Variants in SORCS2 observed in about 807,000 individuals in gnomAD.
The protein encoded by SORCS2 is VPS10 domain-containing receptor SorCS2.
In SORCS2, 100 loss-of-function variants were observed where a neutral mutation model predicts 141.6. That is an observed-to-expected ratio of 0.71 (90% confidence interval 0.60 to 0.83). The LOEUF (loss-of-function observed/expected upper bound fraction) is 0.83, where lower values mean the gene tolerates loss of function less well. Ranked by LOEUF, SORCS2 falls within the 40% of genes least tolerant of loss-of-function variation. The pLI, the probability that SORCS2 is intolerant of heterozygous loss-of-function variation, is 0.00. For synonymous variants in SORCS2, 789 were observed against 676.9 expected (o/e 1.17, Z -2.57); for missense variants, 1,646 against 1,560.2 (o/e 1.05, Z -0.93).
At chr4:7,271,813 GGGGCCCGAGACA>G (rs1715150016) in intron 1 of SORCS2, among the ~76,000 whole-genome samples, 1 of 152,234 alleles carries the variant, frequency 6.6e-6, no homozygotes, top group Non-Finnish European at 1.5e-5. Flanking sequence ...GGCCTATGCC[GGGGCCCGAGACA>G]GCAGAGAGAG....
intron 15 of SORCS2, among the ~76,000 whole-genome samples, chr4:7,713,799 T>G (rs1725987915): frequency 6.6e-6 from 1 of 152,174 alleles, no homozygotes; most frequent in African/African-American, 2.4e-5. Flanking sequence ...CCACCGGGCA[T>G]CCTCACTGGC....
At chr4:7,719,481 C>T (rs971630941) in intron 18 of SORCS2, among the ~76,000 whole-genome samples, 9 of 152,208 alleles carry the variant, frequency 5.9e-5, no homozygotes, top group Non-Finnish European at 1.0e-4. Flanking sequence ...CGTTGGGGTC[C>T]CTGGCCCCTA....
chr4:7,508,066 G>A (rs942012871), intron 2 of SORCS2, among the ~76,000 whole-genome samples: 5 of 152,116 alleles, frequency 3.3e-5, no homozygotes, highest in South Asian at 2.1e-4. Flanking sequence ...TCCGTGTCGC[G>A]TGTCTGCGAG....
chr4:7,407,629 T>G (rs1024970075), intron 2 of SORCS2, among the ~76,000 whole-genome samples: 1 of 152,118 alleles, frequency 6.6e-6, no homozygotes, highest in Non-Finnish European at 1.5e-5. Flanking sequence ...TCTTTATTCA[T>G]TCAGCCACTC....
chr4:7,598,642 C>T (rs1441939882), intron 3 of SORCS2, among the ~76,000 whole-genome samples: 2 of 152,154 alleles, frequency 1.3e-5, no homozygotes, highest in African/African-American at 2.4e-5. Flanking sequence ...GTGTGCCCCT[C>T]GCTTGTGCTT....
intron 3 of SORCS2, among the ~76,000 whole-genome samples, chr4:7,584,477 A>G (rs527469641): frequency 2.0e-5 from 3 of 152,336 alleles, no homozygotes; most frequent in African/African-American, 7.2e-5. Flanking sequence ...CTCTCTAGTG[A>G]GACCCCTCCA....
intron 1 of SORCS2, among the ~76,000 whole-genome samples, chr4:7,228,972 G>A (rs1056291367): frequency 5.9e-5 from 9 of 152,194 alleles, no homozygotes; most frequent in Admixed American, 2.0e-4. Flanking sequence ...AGGCCGTCCC[G>A]TCCCTGCCCC....
intron 2 of SORCS2, among the ~76,000 whole-genome samples, chr4:7,440,307 G>A (rs1460887762): frequency 6.6e-6 from 1 of 152,230 alleles, no homozygotes; most frequent in Non-Finnish European, 1.5e-5. Context: ...TTGTTCTGGG[G>A]GGACAGAGTC....
chr4:7,401,531 G>A (rs559852384), intron 2 of SORCS2, among the ~76,000 whole-genome samples: 9 of 152,332 alleles, frequency 5.9e-5, no homozygotes, highest in Non-Finnish European at 8.8e-5. Context: ...GGTTCTGCAA[G>A]CATTCTGAGC....
chr4:7,501,711 C>T (rs377375260), intron 2 of SORCS2, among the ~76,000 whole-genome samples: 4 of 152,334 alleles, frequency 2.6e-5, no homozygotes, highest in South Asian at 2.1e-4. Flanking sequence ...CTGAAGGAAT[C>T]GGCAGGTGTA....
intron 4 of SORCS2, among the ~76,000 whole-genome samples, chr4:7,643,152 C>T (rs1020735553): frequency 1.3e-5 from 2 of 152,198 alleles, no homozygotes; most frequent in Non-Finnish European, 2.9e-5. Context: ...CCCTTATCCT[C>T]GTTATAATTT....
chr4:7,447,296 T>G (rs1479806008), intron 2 of SORCS2, among the ~76,000 whole-genome samples: 1 of 152,156 alleles, frequency 6.6e-6, no homozygotes, highest in African/African-American at 2.4e-5. Flanking sequence ...CCCCTGCCTG[T>G]GTGAGCTGAC....
At chr4:7,431,419 C>T (rs1236732437) in intron 2 of SORCS2, 1 of 152,316 alleles carries the variant, frequency 6.6e-6, no homozygotes, top group Non-Finnish European at 1.5e-5. Context: ...CAGGTCATGT[C>T]ACACATACTT....
intron 2 of SORCS2, among the ~76,000 whole-genome samples, chr4:7,414,784 C>T (rs979291189): frequency 4.7e-4 from 72 of 152,114 alleles, no homozygotes; most frequent in African/African-American, 1.6e-3. Flanking sequence ...ATGCTGGACA[C>T]GAACTCAAGG....
intron 24 of SORCS2, among the ~76,000 whole-genome samples, chr4:7,733,759 C>G (rs2148898273): frequency 6.6e-6 from 1 of 152,244 alleles, no homozygotes; most frequent in East Asian, 1.9e-4. Flanking sequence ...TTGCTCTGCT[C>G]TGTAAAGACA....
At chr4:7,544,835 GA>G (rs1174392465) in intron 3 of SORCS2, among the ~76,000 whole-genome samples, 18 of 152,198 alleles carry the variant, frequency 1.2e-4, no homozygotes, top group Non-Finnish European at 2.5e-4. Flanking sequence ...TGGTTCCTCT[GA>G]GGGCTGTTCC....
At chr4:7,467,963 C>A (rs548347009) in intron 2 of SORCS2, among the ~76,000 whole-genome samples, 22 of 152,356 alleles carry the variant, frequency 1.4e-4, no homozygotes, top group Admixed American at 1.2e-3. Flanking sequence ...GCCCAAGGGG[C>A]TGGCTCTGTC....
chr4:7,528,004 C>A (rs1055606821), intron 2 of SORCS2, among the ~76,000 whole-genome samples: 1 of 152,080 alleles, frequency 6.6e-6, no homozygotes, highest in Admixed American at 6.5e-5. Flanking sequence ...GCTGCAGTGT[C>A]TGTCTCCTTG....
At chr4:7,302,769 ATG>A (rs138338129) in intron 1 of SORCS2, among the ~76,000 whole-genome samples, 94 of 145,908 alleles carry the variant, frequency 6.4e-4, no homozygotes, top group African/African-American at 2.1e-3. Flanking sequence ...CAGTCCACAT[ATG>A]TGTGTGTGTG....
Sources: allele counts gnomAD v4.1 joint callset (sites outside exome capture counted in the v4.1 genomes callset), GRCh38; gene constraint gnomAD v4.1.1; transcripts MANE v1.5; gene names NCBI Gene and HGNC (gene_info 2026-07-23, HGNC 2026-07-21).